TMEM132D: variants seen among roughly 807,000 people sequenced by gnomAD.
The protein encoded by TMEM132D is mature OL transmembrane protein.
A neutral mutation model predicts 62.3 loss-of-function variants in TMEM132D; 21 were observed. The observed-to-expected ratio is 0.34, with a 90% confidence interval of 0.24 to 0.49. The LOEUF (loss-of-function observed/expected upper bound fraction) is 0.49. TMEM132D is among the 20% of genes least tolerant of loss of function. The pLI is 0.99. For synonymous variants in TMEM132D, 621 were observed against 575.6 expected (o/e 1.08, Z -1.13); for missense variants, 1,346 against 1,402.8 (o/e 0.96, Z 0.65).
At chr12:129,190,979 GGTCTCCA>G (rs1023485387) in intron 5 of TMEM132D, among the ~76,000 whole-genome samples, 13 of 139,372 alleles carry the variant, frequency 9.3e-5, no homozygotes, top group African/African-American at 3.5e-4. Flanking sequence ...TGTGGCCTGT[GGTCTCCA>G]GCAAGCTGTT....
intron 1 of TMEM132D, among the ~76,000 whole-genome samples, chr12:129,773,416 G>A (rs1174981821): frequency 2.0e-5 from 3 of 152,150 alleles, no homozygotes; most frequent in Admixed American, 2.0e-4. Context: ...GGTGATTTCA[G>A]TGGAATCAGC....
intron 1 of TMEM132D, among the ~76,000 whole-genome samples, chr12:129,740,253 A>G (rs575073972): frequency 1.1e-4 from 16 of 152,288 alleles, no homozygotes; most frequent in African/African-American, 2.4e-4. Flanking sequence ...TTTTGACTCA[A>G]ACAAAAGTGC....
chr12:129,083,605 G>A (rs896277792), intron 6 of TMEM132D, among the ~76,000 whole-genome samples: 3 of 152,172 alleles, frequency 2.0e-5, no homozygotes, highest in South Asian at 2.1e-4. Context: ...TCTCCCAGGG[G>A]CCATGGGACC....
chr12:129,745,073 A>G (rs1470483471), intron 1 of TMEM132D, among the ~76,000 whole-genome samples: 2 of 152,130 alleles, frequency 1.3e-5, no homozygotes, highest in African/African-American at 4.8e-5. Context: ...ACCATGTAAG[A>G]CATGCCTGCT....
At chr12:129,622,333 G>C (rs958256713) in intron 2 of TMEM132D, among the ~76,000 whole-genome samples, 1 of 152,196 alleles carries the variant, frequency 6.6e-6, no homozygotes, top group Non-Finnish European at 1.5e-5. Flanking sequence ...CAGTGGGCGC[G>C]TATGGGGCAG....
intron 2 of TMEM132D, among the ~76,000 whole-genome samples, chr12:129,559,126 G>A (rs1877142919): frequency 6.6e-6 from 1 of 152,142 alleles, no homozygotes; most frequent in African/African-American, 2.4e-5. Context: ...GTCTTACAGG[G>A]CTGTCAGCCC....
intron 5 of TMEM132D, among the ~76,000 whole-genome samples, chr12:129,086,199 C>CGTGCGT (rs370714970): frequency 8.6e-6 from 1 of 116,120 alleles, no homozygotes; most frequent in African/African-American, 3.2e-5. Flanking sequence ...GTCACGCGCG[C>CGTGCGT]GCGTGTGTGT....
intron 2 of TMEM132D, among the ~76,000 whole-genome samples, chr12:129,596,311 T>C (rs1029824704): frequency 6.6e-6 from 1 of 152,246 alleles, no homozygotes; most frequent in Non-Finnish European, 1.5e-5. Flanking sequence ...GAGGCTATTA[T>C]GATGGCTCTG....
chr12:129,493,710 A>G (rs569953742), intron 3 of TMEM132D, among the ~76,000 whole-genome samples: 30 of 152,276 alleles, frequency 2.0e-4, no homozygotes, highest in African/African-American at 5.8e-4. Flanking sequence ...CTGAATCCTC[A>G]CCACATGCAG....
intron 4 of TMEM132D, among the ~76,000 whole-genome samples, chr12:129,287,259 G>A (rs1881327171): frequency 6.6e-6 from 1 of 152,196 alleles, no homozygotes; most frequent in Non-Finnish European, 1.5e-5. Flanking sequence ...TGATAGTAAT[G>A]CTCTATAATC....
At chr12:129,741,498 T>C (rs1246631001) in intron 1 of TMEM132D, among the ~76,000 whole-genome samples, 3 of 152,088 alleles carry the variant, frequency 2.0e-5, no homozygotes. Context: ...AATAACAGGG[T>C]CTTGAGAGAC....
intron 5 of TMEM132D, among the ~76,000 whole-genome samples, chr12:129,125,355 T>C (rs1876181747): frequency 6.6e-6 from 1 of 152,170 alleles, no homozygotes; most frequent in Admixed American, 6.5e-5. Context: ...CTAAGCTATT[T>C]TGATGTAAGA....
At chr12:129,468,477 A>G (rs530410683) in intron 3 of TMEM132D, among the ~76,000 whole-genome samples, 53 of 152,354 alleles carry the variant, frequency 3.5e-4, no homozygotes, top group South Asian at 8.3e-4. Context: ...CTGCATCCAC[A>G]GGAAGACAAT....
chr12:129,661,263 G>A (rs1880230462), intron 2 of TMEM132D, among the ~76,000 whole-genome samples: 1 of 152,180 alleles, frequency 6.6e-6, no homozygotes, highest in South Asian at 2.1e-4. Context: ...ATACTGGAGT[G>A]GCGATCTCAG....
intron 2 of TMEM132D, among the ~76,000 whole-genome samples, chr12:129,584,448 A>G (rs867987487): frequency 4.6e-5 from 7 of 152,198 alleles, no homozygotes; most frequent in Admixed American, 2.0e-4. Flanking sequence ...GCATGGCTAT[A>G]TGACTTCCTT....
In TMEM132D at chr12:129,576,887, C is replaced by T. The variant is rs921646493; in HGVS notation, c.969-45682G>A. ...TAAGAAAGAGAAAACACATTTCCAGCACTTTGCAGTATTTATCGATACTGT... is the reference window on the plus strand; with the variant it reads ...TAAGAAAGAGAAAACACATTTCCAGTACTTTGCAGTATTTATCGATACTGT... On this transcript the variant is annotated intron_variant, in intron 2 of 8. Transcript: ENST00000422113. Among the ~76,000 whole-genome samples the T allele has an allele frequency of 1.3e-5, 2 of 151,892 alleles. 1 individual carries two copies. Among genetic ancestry groups the T allele is most frequent in the Admixed American group, 1.3e-4 (2 of 15,274 alleles).
intron 1 of TMEM132D, among the ~76,000 whole-genome samples, chr12:129,894,197 A>G (rs562781626): frequency 6.6e-6 from 1 of 152,260 alleles, no homozygotes; most frequent in African/African-American, 2.4e-5. Flanking sequence ...AAGCAAAGGC[A>G]CAGCCTGCAT....
At chr12:129,100,135 G>A (rs573575973) in intron 5 of TMEM132D, among the ~76,000 whole-genome samples, 27 of 152,176 alleles carry the variant, frequency 1.8e-4, no homozygotes, top group African/African-American at 4.3e-4. Context: ...CCACCTCTCC[G>A]GTTCAAGCAA....
intron 2 of TMEM132D, among the ~76,000 whole-genome samples, chr12:129,699,450 C>A (rs1881318477): frequency 6.6e-6 from 1 of 152,220 alleles, no homozygotes; most frequent in Admixed American, 6.5e-5. Context: ...TTTGCAGTCT[C>A]ATTTCAGCTG....
Sources: gnomAD v4.1 joint callset for allele counts (sites outside exome capture counted in the v4.1 genomes callset) on GRCh38, gnomAD v4.1.1 for gene constraint, MANE v1.5 for transcripts, NCBI Gene and HGNC (gene_info 2026-07-23, HGNC 2026-07-21) for gene names.